Variants in RUVBL2 observed in about 807,000 individuals in gnomAD.
RUVBL2 encodes RuvB like AAA ATPase 2.
In RUVBL2, 9 loss-of-function variants were observed where a neutral mutation model predicts 57.9. That is an observed-to-expected ratio of 0.16 (90% CI 0.09 to 0.27). RUVBL2 has a LOEUF of 0.27. Ranked by LOEUF, RUVBL2 falls within the 10% of genes least tolerant of loss-of-function variation. The pLI is 1.00. For missense variants in RUVBL2, 456 were observed against 669.6 expected, an observed-to-expected ratio of 0.68 and a Z score of 3.52; for synonymous variants, 278 against 264.6, an observed-to-expected ratio of 1.05 and a Z score of -0.49.
Position 49,010,483 on chromosome 19 carries a change from C to CCCCCCCCCA in RUVBL2, c.664-5_664-4insCCCCCCCCA. 1 of 1,576,000 alleles carries CCCCCCCCCA rather than the reference C, an allele frequency of 6.3e-7. No individual in the cohort carries two copies. ...CGCCGTTCTTCCCCCACCCCCGCCC[C>CCCCCCCCCA]ATAGACCAAGTTCGTGCAGTGCCCA... On this transcript the variant is annotated splice_polypyrimidine_tract_variant and splice_region_variant and intron_variant, in intron 8 of 14. Coordinates refer to ENST00000595090, the MANE Select transcript of RUVBL2 (RefSeq NM_006666.3).
chr19:49,009,254 C>A (rs925867471), intron 6 of RUVBL2, among the ~76,000 whole-genome samples: 1 of 146,684 alleles, frequency 6.8e-6, no homozygotes, highest in Non-Finnish European at 1.5e-5. Context: ...TTTGGGAGGC[C>A]GAGGTGGGCA....
intron 2 of RUVBL2, among the ~76,000 whole-genome samples, chr19:48,999,922 G>C (rs920289176): frequency 6.6e-6 from 1 of 152,218 alleles, no homozygotes; most frequent in Admixed American, 6.5e-5. Context: ...AAGTTGAGAC[G>C]CAGTGAGGCC....
rs150254175 is a variant in RUVBL2 at position 49,009,615 on chromosome 19, C to T, written c.463-161C>T. Among the ~76,000 whole-genome samples, 1,044 of 152,298 alleles carry T rather than the reference C, an allele frequency of 6.9e-3. 8 individuals carry two copies. The highest frequency in any genetic ancestry group is 0.011 in the Non-Finnish European group (773 of 68,032). On this transcript the variant is annotated intron_variant, in intron 6 of 14. Coordinates refer to ENST00000595090, the MANE Select transcript of RUVBL2 (RefSeq NM_006666.3). ...GCCATCACCGCGTCAGGCTGGTGAG[C>T]GCACCGTATGTCTTCCCTGGAGAGC... is the stretch of plus-strand genomic sequence containing the variant.
chr19:49,010,702 C>T (rs2039403138), intron 9 of RUVBL2, 91 bp downstream of exon 9: 1 of 1,539,474 alleles, frequency 6.5e-7, no homozygotes, highest in Non-Finnish European at 8.8e-7. Context: ...CCGAGTGTGG[C>T]CCACCTGCTC....
intron 1 of RUVBL2, among the ~76,000 whole-genome samples, chr19:48,995,265 A>G (rs1454024355): frequency 6.6e-6 from 1 of 151,190 alleles, no homozygotes; most frequent in Non-Finnish European, 1.5e-5. Context: ...TTTATAGGAG[A>G]CAGTCCTTGG....
At chr19:49,010,734 G>T in intron 9 of RUVBL2, 123 bp downstream of exon 9, 1 of 1,398,324 alleles carries the variant, frequency 7.2e-7, no homozygotes, top group South Asian at 1.3e-5. Flanking sequence ...CTGTAACTCC[G>T]GCCCGTGGCT....
At chr19:49,014,783 G>C (rs1393720292) in intron 12 of RUVBL2, among the ~76,000 whole-genome samples, 180 bp downstream of exon 12, 1 of 152,234 alleles carries the variant, frequency 6.6e-6, no homozygotes, top group Non-Finnish European at 1.5e-5. Context: ...GGGAAAGGGA[G>C]GCGAGGTACC....
intron 2 of RUVBL2, 59 bp from the exon 3 acceptor site, chr19:49,003,220 A>G: frequency 5.7e-6 from 8 of 1,414,062 alleles, no homozygotes; most frequent in Non-Finnish European, 7.8e-6. Flanking sequence ...CAGAGGGGTC[A>G]GGCCACATGT....
intron 1 of RUVBL2, among the ~76,000 whole-genome samples, chr19:48,996,523 TG>T (rs2039064765): frequency 6.6e-6 from 1 of 151,092 alleles, no homozygotes; most frequent in Non-Finnish European, 1.5e-5. Context: ...TGTGTGTGTG[TG>T]TGTGTGTGTG....
chr19:49,006,939 A>G, intron 4 of RUVBL2, 79 bp from the exon 5 acceptor site: 1 of 1,567,196 alleles, frequency 6.4e-7, no homozygotes, highest in Non-Finnish European at 8.7e-7. Flanking sequence ...GGGTGGGAGA[A>G]AAGCTAGTTT....
intron 1 of RUVBL2, among the ~76,000 whole-genome samples, chr19:48,998,483 T>G (rs1335850094): frequency 6.7e-6 from 1 of 150,198 alleles, no homozygotes; most frequent in Non-Finnish European, 1.5e-5. Context: ...TCACTTGAGG[T>G]CAGGAGTTCG....
At chr19:49,015,299 A>T (rs2039523137) in intron 13 of RUVBL2, 149 bp downstream of exon 13, 1 of 1,095,138 alleles carries the variant, frequency 9.1e-7, no homozygotes, top group East Asian at 2.6e-5. Flanking sequence ...TGTATCATCC[A>T]GCCTGGCCTA....
chr19:49,010,175 T>C (rs2039383523), intron 8 of RUVBL2, 109 bp downstream of exon 8: 1 of 1,024,126 alleles, frequency 9.8e-7, no homozygotes, highest in Non-Finnish European at 1.5e-6. Flanking sequence ...ACCCTGACTG[T>C]TTGTCCTGGT....
chr19:48,996,032 T>G (rs2039051947), intron 1 of RUVBL2, among the ~76,000 whole-genome samples: 1 of 148,694 alleles, frequency 6.7e-6, no homozygotes, highest in South Asian at 2.1e-4. Flanking sequence ...ATTAGCCAAG[T>G]GTGGTGGGAC....
chr19:49,004,138 AAAG>A, intron 3 of RUVBL2, 136 bp from the exon 4 acceptor site: 6 of 1,043,130 alleles, frequency 5.8e-6, no homozygotes, highest in East Asian at 2.8e-5. Flanking sequence ...AAAAAAAAAA[AAAG>A]CAGGGAAAGC....
At chr19:49,014,435 G>A (rs2039500118) in intron 11 of RUVBL2, 49 bp from the exon 12 acceptor site, 1 of 1,592,650 alleles carries the variant, frequency 6.3e-7, no homozygotes, top group African/African-American at 1.3e-5. Flanking sequence ...CAAAGGGAAT[G>A]AAGAGGGAAC....
At chr19:49,014,446 A>G (rs768995600) in intron 11 of RUVBL2, 38 bp from the exon 12 acceptor site, 6 of 1,602,074 alleles carry the variant, frequency 3.7e-6, no homozygotes, top group South Asian at 3.3e-5. Flanking sequence ...AAGAGGGAAC[A>G]TGCCCCTGAC....
intron 2 of RUVBL2, 68 bp downstream of exon 2, chr19:48,999,441 T>C (rs978756313): frequency 6.5e-7 from 1 of 1,527,168 alleles, no homozygotes; most frequent in Non-Finnish European, 9.1e-7. Flanking sequence ...AGCAAACCTA[T>C]TGAGGACCCC....
intron 8 of RUVBL2, 21 bp from the exon 9 acceptor site, chr19:49,010,467 T>TGGGCCCCCCCCCC: frequency 1.4e-6 from 2 of 1,401,208 alleles, no homozygotes; most frequent in Non-Finnish European, 9.9e-7. Flanking sequence ...CCGCCGTTCT[T>TGGGCCCCCCCCCC]CCCCCACCCC....
Sources: gnomAD v4.1 joint callset for allele counts (sites outside exome capture counted in the v4.1 genomes callset) on GRCh38, gnomAD v4.1.1 for gene constraint, MANE v1.5 for transcripts, NCBI Gene and HGNC (gene_info 2026-07-23, HGNC 2026-07-21) for gene names.